CHD5: variants seen among roughly 807,000 people sequenced by gnomAD.
CHD5 encodes the protein chromodomain helicase DNA binding protein 5.
A neutral mutation model predicts 230.3 loss-of-function variants in CHD5; 69 were observed. The ratio of observed to expected loss-of-function variants is 0.30; its 90% CI spans 0.25 to 0.37. CHD5 has a LOEUF of 0.37. CHD5 is among the 10% of genes least tolerant of loss of function. CHD5 has a pLI of 1.00. For missense variants in CHD5, 1,827 were observed against 2,622.8 expected (o/e 0.70, Z 6.63); for synonymous variants, 1,064 against 1,065.9 (o/e 1.00, Z 0.03).
At chr1:6,118,492 T>A (rs1291284685) in intron 33 of CHD5, among the ~76,000 whole-genome samples, 1 of 152,048 alleles carries the variant, frequency 6.6e-6, no homozygotes, top group Non-Finnish European at 1.5e-5. Context: ...AAGTACTGCA[T>A]TATTCCATTG....
At position 6,131,753 on chromosome 1, in the gene CHD5, A is replaced by G; in HGVS notation, c.3145-5T>C. ...GAGGTCCAGCATCTTGGTCATCTGC[A>G]GGGGAGACGGGCACGTGAGGAACTG... On this transcript the variant is annotated splice_region_variant and splice_polypyrimidine_tract_variant and intron_variant, in intron 20 of 41. Transcript: ENST00000262450. The surrounding 1 kb of genome is among the most constrained non-coding windows in gnomAD (Gnocchi z 5.0). 1.3e-6 allele frequency: 2 copies of G among 1,595,982 alleles called. No individual in the cohort carries two copies. The highest frequency in any genetic ancestry group is 2.2e-5 in the South Asian group (2 of 90,512).
chr1:6,134,912 G>A lies in CHD5; in HGVS notation c.2871-53C>T. On this transcript the variant is annotated intron_variant, in intron 18 of 41. Coordinates refer to ENST00000262450, the MANE Select transcript of CHD5 (RefSeq NM_015557.3). The surrounding 1 kb of genome is among the most constrained non-coding windows in gnomAD (Gnocchi z 6.3). ...CTGGGTCAGACCCGCCTCCATGAGG[G>A]CTCTCTCTGCTCTGCAGTGGGGCTG... The A allele has an allele frequency of 1.9e-6, 3 of 1,605,472 alleles. No individual in the cohort carries two copies. Among genetic ancestry groups the A allele is most frequent in the South Asian group, 1.1e-5 (1 of 90,620 alleles).
intron 3 of CHD5, among the ~76,000 whole-genome samples, chr1:6,156,068 A>T (rs567935954): frequency 6.6e-6 from 1 of 152,318 alleles, no homozygotes; most frequent in East Asian, 1.9e-4. Flanking sequence ...CCCCATCCTG[A>T]GATAGGGCTG....
At position 6,159,405 on chromosome 1, in the gene CHD5, C is replaced by T. The variant is rs1667131823; in HGVS notation, c.318G>A (p.Lys106=). The T allele has an allele frequency of 6.4e-7, 1 of 1,556,012 alleles. No homozygotes were observed. Among genetic ancestry groups the T allele is most frequent in the South Asian group, 1.2e-5 (1 of 84,624 alleles). The stretch of plus-strand genomic sequence containing the variant: ...TTTTTCGCTTGGCTTTTTTCTCCTT[C>T]TTGTCCTTGAGTTTCTTCTTCTTCT... The part of the protein sequence containing the change: ...NKKKKKKLKD[K]KEKKAKRKKK... The change falls in exon 3 of 42, where the codon AAG becomes AAA. Residue 106 remains lysine, a synonymous_variant. Transcript: ENST00000262450.
intron 5 of CHD5, among the ~76,000 whole-genome samples, chr1:6,153,360 C>A (rs1667034980): frequency 6.6e-6 from 1 of 152,328 alleles, no homozygotes; most frequent in Middle Eastern, 3.4e-3. Flanking sequence ...CTCCCGAGAT[C>A]CTGATGGCCC....
rs1334255732 is a variant in CHD5, at chr1:6,151,132, C to T, written c.894G>A (p.Glu298=). The T allele has an allele frequency of 1.9e-6, 3 of 1,608,326 alleles. No homozygotes were observed. The highest frequency in any genetic ancestry group is 2.5e-6 in the Non-Finnish European group (3 of 1,177,068). ...GGATGCTGGCGCTGTCGAAGTCCGA[C>T]TCCTCCCTCTCATCTTCTTCACTCT... ...GSSSEEDERE[E]SDFDSASIHS... Residue 298 remains glutamate, a synonymous_variant, in exon 7 of 42, where the codon GAG becomes GAA. Coordinates refer to ENST00000262450, the MANE Select transcript of CHD5 (RefSeq NM_015557.3).
At chr1:6,160,014 G>A (rs1469918362) in intron 2 of CHD5, among the ~76,000 whole-genome samples, 2 of 151,866 alleles carry the variant, frequency 1.3e-5, no homozygotes, top group East Asian at 3.9e-4. Flanking sequence ...GCCCCAGCCA[G>A]AGAAGAAAAG....
At chr1:6,111,144 C>A (rs1303432802) in intron 36 of CHD5, among the ~76,000 whole-genome samples, 1 of 151,306 alleles carries the variant, frequency 6.6e-6, no homozygotes, top group East Asian at 1.9e-4. Context: ...GCAGAAGAAT[C>A]ACTTGAACCC....
chr1:6,159,888 CT>C (rs1667139741), intron 2 of CHD5, among the ~76,000 whole-genome samples: 1 of 152,274 alleles, frequency 6.6e-6, no homozygotes, highest in Admixed American at 6.5e-5. Flanking sequence ...CTTCTATGGA[CT>C]TTGGGGGCTG....
intron 2 of CHD5, among the ~76,000 whole-genome samples, chr1:6,159,953 G>C (rs1667140943): frequency 6.6e-6 from 1 of 152,084 alleles, no homozygotes; most frequent in African/African-American, 2.4e-5. Flanking sequence ...GGAGGATGTG[G>C]TCCCAGAGTC....
intron 1 of CHD5, among the ~76,000 whole-genome samples, chr1:6,172,211 G>A (rs1421512380): frequency 1.3e-5 from 2 of 152,216 alleles, no homozygotes; most frequent in South Asian, 2.1e-4. Context: ...AGCAGCAGTC[G>A]TGATAACTGC....
chr1:6,126,554 C>T lies in CHD5; in HGVS notation c.4078+18G>A, dbSNP rs1666561925. ...GCCTCTGGGTGAGGGGCACCAGTCC[C>T]TCCCTCCCGGCACGCACCCTGGTCC... On this transcript the variant is annotated intron_variant, in intron 26 of 41. Transcript: ENST00000262450. This position sits in a 1 kb window ranked among gnomAD's most constrained non-coding sequence, Gnocchi z 5.7. The T allele has an allele frequency of 1.2e-6, 2 of 1,611,436 alleles. No individual in the cohort carries two copies. Among genetic ancestry groups the T allele is most frequent in the Admixed American group, 1.7e-5 (1 of 59,992 alleles).
rs1666567289 is a variant in CHD5, at chr1:6,126,879, G to A, written c.3904-133C>T. 9.2e-6 allele frequency: 7 copies of A among 759,404 alleles called. No individual in the cohort carries two copies. The highest frequency in any genetic ancestry group is 1.8e-5 in the South Asian group (1 of 54,892). The allele number at this position is 759,404 out of a possible 1,614,324, so 47.0% of individuals were successfully genotyped here. On this transcript the variant is annotated intron_variant, in intron 25 of 41. Transcript: ENST00000262450. This position sits in a 1 kb window ranked among gnomAD's most constrained non-coding sequence, Gnocchi z 5.7. ...TTAATGGGATGGCCTGCCTACTCCA[G>A]GAAGCCTTCTCTGATCACCCCGGCC...
At position 6,131,580 on chromosome 1, in the gene CHD5, A is replaced by C; in HGVS notation, c.3262+51T>G. ...CCTGGCTAAGAACCAGGCCTGGGAG[A>C]AGAGGCCAAAAAGGAGTCTCAATCA... On this transcript the variant is annotated intron_variant, in intron 21 of 41. Transcript: ENST00000262450. The surrounding 1 kb of genome is among the most constrained non-coding windows in gnomAD (Gnocchi z 5.0). 1 of 1,103,100 alleles carries C rather than the reference A, an allele frequency of 9.1e-7. No individual in the cohort carries two copies. Among genetic ancestry groups the C allele is most frequent in the Non-Finnish European group, 1.4e-6 (1 of 722,320 alleles). The allele number at this position is 1,103,100 out of a possible 1,614,324, so 68.3% of individuals were successfully genotyped here. A position where few individuals can be genotyped will look rare whatever the true frequency, so the allele number is the denominator to read the frequency against.
chr1:6,130,205 T>C lies in CHD5; in HGVS notation c.3386A>G (p.Gln1129Arg). ...DSDWNPHNDIQAFSRAHRIGQ... is the reference protein window; with the variant it reads ...DSDWNPHNDIRAFSRAHRIGQ... ...GTGGTGGGCGGCAGCAGCACAGACCTGGATGTCATTGTGCGGGTTCCAGTC... is the reference window on the plus strand; with the variant it reads ...GTGGTGGGCGGCAGCAGCACAGACCCGGATGTCATTGTGCGGGTTCCAGTC... The change falls in exon 22 of 42, where the codon CAG becomes CGG. Residue 1129 changes from glutamine (Q) to arginine (R), a missense_variant and splice_region_variant. Transcript: ENST00000262450. The surrounding 1 kb of genome is among the most constrained non-coding windows in gnomAD (Gnocchi z 4.9). 1 of 1,613,912 alleles carries C rather than the reference T, an allele frequency of 6.2e-7. No individual in the cohort carries two copies. Among genetic ancestry groups the C allele is most frequent in the Non-Finnish European group, 8.5e-7 (1 of 1,179,900 alleles).
chr1:6,108,070 G>T (rs1666224387), intron 38 of CHD5, among the ~76,000 whole-genome samples: 2 of 139,592 alleles, frequency 1.4e-5, no homozygotes, highest in East Asian at 2.4e-4. Flanking sequence ...GGGATGGAGG[G>T]ATGATGGAGA....
intron 31 of CHD5, among the ~76,000 whole-genome samples, chr1:6,122,610 C>T (rs572263980): frequency 3.9e-5 from 6 of 152,306 alleles, no homozygotes; most frequent in Admixed American, 1.3e-4. Flanking sequence ...GGTTATCACA[C>T]GGCCCAGCAA....
intron 11 of CHD5, among the ~76,000 whole-genome samples, chr1:6,144,456 T>C (rs1439874867): frequency 6.6e-6 from 1 of 152,206 alleles, no homozygotes; most frequent in Non-Finnish European, 1.5e-5. Context: ...ATGAATCCCA[T>C]TTGTCACAGG....
At chr1:6,147,025 G>A (rs536920017) in intron 9 of CHD5, among the ~76,000 whole-genome samples, 154 bp from the exon 10 acceptor site, 2 of 152,260 alleles carry the variant, frequency 1.3e-5, no homozygotes, top group African/African-American at 2.4e-5. Context: ...CATCCACCCC[G>A]TCCCCAGGAG....
Sources: allele counts gnomAD v4.1 joint callset (sites outside exome capture counted in the v4.1 genomes callset), GRCh38; gene constraint gnomAD v4.1.1; non-coding constraint Gnocchi (gnomAD v3.1); transcripts MANE v1.5; gene names NCBI Gene and HGNC (gene_info 2026-07-23, HGNC 2026-07-21).